Variants in FER1L6 observed in about 807,000 individuals in gnomAD.
FER1L6 encodes fer-1 like family member 6.
FER1L6 carries 177 observed loss-of-function variants against 219.2 expected under a neutral mutation model. The observed-to-expected ratio is 0.81, with a 90% CI of 0.71 to 0.91. The LOEUF (loss-of-function observed/expected upper bound fraction) is 0.91, where lower values mean the gene tolerates loss of function less well. FER1L6 is among the 40% of genes least tolerant of loss of function. FER1L6 has a pLI of 0.00. For synonymous variants in FER1L6, 768 were observed against 824.3 expected, an observed-to-expected ratio of 0.93 and a Z score of 1.17; for missense variants, 2,153 against 2,259.9, an observed-to-expected ratio of 0.95 and a Z score of 0.96.
In FER1L6 at chr8:123,986,072, T is replaced by C; in HGVS notation, c.1415T>C (p.Val472Ala). ...AATTTTGTTTTCTTTCTGTAGATTG[T>C]ACCAGAAAAAAATGAGGAATTTTTA... is the stretch of plus-strand genomic sequence containing the variant. ...VESFDVPPEI[V>A]PEKNEEFLLF... Residue 472 changes from valine (V) to alanine (A), a missense_variant, in exon 12 of 41, where the codon GTA becomes GCA. Physicochemically the swap from Val to Ala is moderately conservative, Grantham distance 64. Coordinates refer to ENST00000522917, the MANE Select transcript of FER1L6 (RefSeq NM_001039112.2). 6.3e-7 allele frequency: 1 copy of C among 1,598,510 alleles called. No individual in the cohort carries two copies. Among genetic ancestry groups the C allele is most frequent in the Non-Finnish European group, 8.6e-7 (1 of 1,165,802 alleles).
chr8:124,071,407 T>G lies in FER1L6; in HGVS notation c.3967-99T>G. 4 of 1,508,158 alleles carry G rather than the reference T, an allele frequency of 2.7e-6. No homozygotes were observed. In the South Asian group the frequency reaches 4.9e-5, roughly 19 times the overall value. 93.4% of individuals were successfully genotyped at this position (1,508,158 alleles called of 1,614,324 possible). A position where few individuals can be genotyped will look rare whatever the true frequency, so the allele number is the denominator to read the frequency against. ...TTAGCACCAAACCAGGTCCTGCAAATTCCCAAGCTGTGCCCATTTTCCCAG... is the reference window on the plus strand; with the variant it reads ...TTAGCACCAAACCAGGTCCTGCAAAGTCCCAAGCTGTGCCCATTTTCCCAG... On this transcript the variant is annotated intron_variant, in intron 30 of 40. Coordinates refer to ENST00000522917, the MANE Select transcript of FER1L6 (RefSeq NM_001039112.2).
chr8:124,087,818 C>T (rs1222813240), intron 33 of FER1L6, among the ~76,000 whole-genome samples: 1 of 152,184 alleles, frequency 6.6e-6, no homozygotes, highest in Non-Finnish European at 1.5e-5. Flanking sequence ...CACAGTAATA[C>T]TGTGGCTCCT....
chr8:123,870,141 C>T (rs1816901002), intron 1 of FER1L6, among the ~76,000 whole-genome samples: 1 of 152,068 alleles, frequency 6.6e-6, no homozygotes, highest in Admixed American at 6.5e-5. Context: ...ATCTAAAAAC[C>T]TAACAAAGCC....
At chr8:124,076,379 G>T in intron 32 of FER1L6, 54 bp downstream of exon 32, 1 of 1,568,134 alleles carries the variant, frequency 6.4e-7, no homozygotes, top group Non-Finnish European at 8.8e-7. Context: ...TGCTCCTGCT[G>T]TGTTTCTGTG....
intron 1 of FER1L6, among the ~76,000 whole-genome samples, chr8:123,919,539 C>T (rs929169534): frequency 5.9e-5 from 9 of 152,282 alleles, no homozygotes; most frequent in African/African-American, 1.7e-4. Context: ...GCTGGAGGAG[C>T]CACCTCTGCT....
chr8:124,016,821 G>A (rs1438247797), intron 15 of FER1L6, among the ~76,000 whole-genome samples: 15 of 152,116 alleles, frequency 9.9e-5, no homozygotes, highest in Non-Finnish European at 2.9e-5. Flanking sequence ...CAATACATAT[G>A]ATTATGTAAA....
chr8:123,889,493 G>A (rs993278844), intron 1 of FER1L6, among the ~76,000 whole-genome samples: 1 of 152,074 alleles, frequency 6.6e-6, no homozygotes, highest in South Asian at 2.1e-4. Context: ...GCTAACATCT[G>A]ATAGTTCAGG....
Position 124,064,475 on chromosome 8 carries a change from C to T in FER1L6, c.3457C>T (p.Gln1153Ter). ...PTVVPDSAQA[Q>*]PAILVDVPDS... is the part of the protein sequence containing the mutation. ...AGTGGTGCCCGACTCTGCCCAGGCC[C>T]AGCCGGCCATCCTGGTTGACGTCCC... Residue 1153 changes from glutamine to a stop codon, truncating the protein, a stop_gained, in exon 26 of 41, where the codon CAG (glutamine) becomes TAG (stop). Coordinates refer to ENST00000522917, the MANE Select transcript of FER1L6 (RefSeq NM_001039112.2). LOFTEE classifies it high-confidence loss of function. 6.2e-7 allele frequency: 1 copy of T among 1,614,108 alleles called. No individual in the cohort carries two copies. Among genetic ancestry groups the T allele is most frequent in the Non-Finnish European group, 8.5e-7 (1 of 1,180,010 alleles).
At chr8:124,028,414 G>T (rs1286180240) in intron 18 of FER1L6, among the ~76,000 whole-genome samples, 1 of 151,612 alleles carries the variant, frequency 6.6e-6, no homozygotes, top group African/African-American at 2.4e-5. Flanking sequence ...CTCTCTTTAT[G>T]CCCCTTTCTC....
chr8:124,044,407 A>G (rs1053771472), intron 20 of FER1L6, among the ~76,000 whole-genome samples: 1 of 152,246 alleles, frequency 6.6e-6, no homozygotes, highest in Non-Finnish European at 1.5e-5. Context: ...AAAATGCACA[A>G]TATTTTTATG....
rs1820496506 is a variant in FER1L6, at chr8:124,060,204, C to T, written c.2899C>T (p.Leu967Phe). The T allele has an allele frequency of 1.2e-6, 2 of 1,614,108 alleles. No individual in the cohort carries two copies. The highest frequency in any genetic ancestry group is 1.7e-6 in the Non-Finnish European group (2 of 1,180,016). The change falls in exon 23 of 41, where the codon CTC becomes TTC. Residue 967 changes from leucine to phenylalanine, a missense_variant. Coordinates refer to ENST00000522917, the MANE Select transcript of FER1L6 (RefSeq NM_001039112.2). Reference sequence around the variant, plus strand: ...GGTTCCTCCTTCTGGGCTGCAAGGCCTCCCACCCGTTGAGCCACCAGACAT... The same window carrying T: ...GGTTCCTCCTTCTGGGCTGCAAGGCTTCCCACCCGTTGAGCCACCAGACAT... The part of the protein sequence containing the change: ...LQVPPSGLQG[L>F]PPVEPPDITQ...
intron 1 of FER1L6, among the ~76,000 whole-genome samples, chr8:123,955,673 A>G (rs1397853863): frequency 6.6e-6 from 1 of 152,188 alleles, no homozygotes; most frequent in South Asian, 2.1e-4. Flanking sequence ...CTGCTTTTTT[A>G]TGCCTAGCAG....
Position 124,082,332 on chromosome 8 carries a change from C to T in FER1L6, c.4265C>T (p.Ser1422Phe). 1 of 1,613,896 alleles carries T rather than the reference C, an allele frequency of 6.2e-7. No individual in the cohort carries two copies. Among genetic ancestry groups the T allele is most frequent in the Middle Eastern group, 1.7e-4 (1 of 6,058 alleles). Residue 1422 changes from serine to phenylalanine, a missense_variant, in exon 33 of 41, where the codon TCC (serine) becomes TTC (phenylalanine). By Grantham distance (155) the Ser-to-Phe change is radical. Coordinates refer to ENST00000522917, the MANE Select transcript of FER1L6 (RefSeq NM_001039112.2). ...QATFPKESLLSILIYDHDMIG... is the reference protein window; with the variant it reads ...QATFPKESLLFILIYDHDMIG... Reference sequence around the variant, plus strand: ...ACATTCCCAAAAGAGTCCCTGCTCTCCATCCTGATCTATGACCATGACATG... The same window carrying T: ...ACATTCCCAAAAGAGTCCCTGCTCTTCATCCTGATCTATGACCATGACATG...
intron 1 of FER1L6, among the ~76,000 whole-genome samples, chr8:123,866,070 T>C (rs1816833247): frequency 6.6e-6 from 1 of 151,844 alleles, no homozygotes; most frequent in Non-Finnish European, 1.5e-5. Context: ...GTCTTTGCTA[T>C]TGTGAATAAT....
At chr8:123,854,057 G>T (rs1017372371) in intron 1 of FER1L6, among the ~76,000 whole-genome samples, 1 of 152,192 alleles carries the variant, frequency 6.6e-6, no homozygotes, top group Non-Finnish European at 1.5e-5. Context: ...GCTCCTGTCA[G>T]TCCTGAGTCT....
intron 13 of FER1L6, among the ~76,000 whole-genome samples, chr8:124,010,337 C>T (rs547962289): frequency 2.8e-4 from 43 of 152,210 alleles, no homozygotes; most frequent in African/African-American, 1.0e-3. Flanking sequence ...AAAATCCCGC[C>T]CTCTAGTGAT....
chr8:123,920,181 C>T (rs538295604), intron 1 of FER1L6, among the ~76,000 whole-genome samples: 47 of 152,302 alleles, frequency 3.1e-4, no homozygotes, highest in Non-Finnish European at 5.9e-4. Flanking sequence ...ACTCACTTCC[C>T]ACCCTGAGGC....
At chr8:123,979,715 C>T (rs1015863110) in intron 10 of FER1L6, among the ~76,000 whole-genome samples, 3 of 152,208 alleles carry the variant, frequency 2.0e-5, no homozygotes, top group East Asian at 1.9e-4. Context: ...TAGTTCAAGA[C>T]GCTGGTCTTC....
chr8:124,098,093 A>C (rs923685333), intron 37 of FER1L6, among the ~76,000 whole-genome samples: 1 of 152,226 alleles, frequency 6.6e-6, no homozygotes, highest in Non-Finnish European at 1.5e-5. Context: ...TTATGAGGAA[A>C]TCTTATTACA....
Sources: gnomAD v4.1 joint callset for allele counts (sites outside exome capture counted in the v4.1 genomes callset) on GRCh38, gnomAD v4.1.1 for gene constraint, MANE v1.5 for transcripts, NCBI Gene and HGNC (gene_info 2026-07-23, HGNC 2026-07-21) for gene names.